The following PDE4B variants were observed in gnomAD, a reference collection of about 807,000 sequenced individuals.
The protein encoded by PDE4B is 3',5'-cyclic-AMP phosphodiesterase 4B.
In PDE4B, 20 loss-of-function variants were observed where a neutral mutation model predicts 82.2. The ratio of observed to expected loss-of-function variants is 0.24; its 90% CI spans 0.17 to 0.35. PDE4B has a LOEUF of 0.35. PDE4B is among the 10% of genes least tolerant of loss of function. PDE4B has a pLI of 1.00. For missense variants in PDE4B, 655 were observed against 907.2 expected, an observed-to-expected ratio of 0.72 and a Z score of 3.57; for synonymous variants, 320 against 318.9, an observed-to-expected ratio of 1.00 and a Z score of -0.04.
Position 65,913,352 on chromosome 1 carries a change from A to G in PDE4B, c.38A>G (p.Asp13Gly), listed in dbSNP as rs1243087346. 7 of 1,613,462 alleles carry G rather than the reference A, an allele frequency of 4.3e-6. No homozygotes were observed. Among genetic ancestry groups the G allele is most frequent in the Non-Finnish European group, 5.9e-6 (7 of 1,179,588 alleles). Residue 13 changes from aspartate (D) to glycine (G), a missense_variant, in exon 2 of 17, where the codon GAT becomes GGT. Around this residue, in one of 3 missense-constraint regions of PDE4B, gnomAD observed 253 missense variants for 275.6 expected, o/e 0.92. Coordinates refer to ENST00000341517, the MANE Select transcript of PDE4B (RefSeq NM_002600.4). ...AGGAGTGTGATGACGGTGATGGCTGATGATGTAAGTTTCAAAAGGTCCCAA... is the reference window on the plus strand; with the variant it reads ...AGGAGTGTGATGACGGTGATGGCTGGTGATGTAAGTTTCAAAAGGTCCCAA... ...KSRSVMTVMA[D>G]DNVKDYFECS...
chr1:66,315,147 G>C (rs866092934), intron 7 of PDE4B, among the ~76,000 whole-genome samples: 1 of 152,150 alleles, frequency 6.6e-6, no homozygotes, highest in Non-Finnish European at 1.5e-5. Context: ...TATCTCACAA[G>C]GTTGTTTTGA....
intron 3 of PDE4B, among the ~76,000 whole-genome samples, chr1:66,229,661 G>A (rs1651788727): frequency 6.6e-6 from 1 of 152,036 alleles, no homozygotes; most frequent in Non-Finnish European, 1.5e-5. Flanking sequence ...CAGAGACTGG[G>A]GCAGTAATGA....
chr1:66,284,065 G>T (rs138195536), intron 7 of PDE4B, among the ~76,000 whole-genome samples: 6 of 152,204 alleles, frequency 3.9e-5, no homozygotes, highest in African/African-American at 4.8e-5. Flanking sequence ...GTTAACAGTC[G>T]TGGGGCAGAC....
intron 3 of PDE4B, among the ~76,000 whole-genome samples, chr1:66,099,270 CAT>C (rs1300766374): frequency 6.6e-6 from 1 of 152,116 alleles, no homozygotes; most frequent in African/African-American, 2.4e-5. Flanking sequence ...CTTCCAGCTC[CAT>C]CCATGTTCCT....
chr1:66,055,835 A>T (rs538755220), intron 3 of PDE4B, among the ~76,000 whole-genome samples: 1 of 152,174 alleles, frequency 6.6e-6, no homozygotes, highest in African/African-American at 2.4e-5. Context: ...AAGCATGTTG[A>T]TATGTTAGAT....
At chr1:66,293,139 T>C (rs1370109760) in intron 7 of PDE4B, among the ~76,000 whole-genome samples, 1 of 152,138 alleles carries the variant, frequency 6.6e-6, no homozygotes, top group African/African-American at 2.4e-5. Flanking sequence ...ATGACCTTTT[T>C]TGAGGTCCTT....
intron 1 of PDE4B, among the ~76,000 whole-genome samples, chr1:65,825,838 AT>A (rs942808081): frequency 8.8e-5 from 13 of 146,990 alleles, no homozygotes; most frequent in South Asian, 6.5e-4. Flanking sequence ...CTTTCCTGAG[AT>A]TTTTTTTTTC....
chr1:66,300,513 G>A (rs1657809921), intron 7 of PDE4B, among the ~76,000 whole-genome samples: 1 of 152,156 alleles, frequency 6.6e-6, no homozygotes, highest in Non-Finnish European at 1.5e-5. Flanking sequence ...GATTTGGAGT[G>A]ACTTCTGTGC....
Position 66,267,802 on chromosome 1 carries a change from C to A in PDE4B, c.634+1715C>A, listed in dbSNP as rs552772723. 2.0e-5 allele frequency among the ~76,000 whole-genome samples: 3 copies of A among 152,196 alleles called. No individual in the cohort carries two copies. In the South Asian group the frequency reaches 6.2e-4, roughly 32 times the overall value. Reference sequence around the variant, plus strand: ...TCAAAATCTCCTTAACGTTTAGCCACGGTTAGAAAAGGAAGGAGGAGACAC... The same window carrying A: ...TCAAAATCTCCTTAACGTTTAGCCAAGGTTAGAAAAGGAAGGAGGAGACAC... On this transcript the variant is annotated intron_variant, in intron 7 of 16. Transcript: ENST00000341517.
At chr1:66,089,875 T>C (rs1241927813) in intron 3 of PDE4B, among the ~76,000 whole-genome samples, 1 of 152,078 alleles carries the variant, frequency 6.6e-6, no homozygotes, top group Non-Finnish European at 1.5e-5. Context: ...TATCATGATC[T>C]GATTGCCTGC....
rs547401426 is a variant in PDE4B, at chr1:66,112,088, G to A, written c.282-135372G>A. On this transcript the variant is annotated intron_variant, in intron 3 of 16. Transcript: ENST00000341517. Reference sequence around the variant, plus strand: ...AAGTTGATTAATTTATATACATTGAGTACTTGTTACAGGCAAAGAATCTCC... The same window carrying A: ...AAGTTGATTAATTTATATACATTGAATACTTGTTACAGGCAAAGAATCTCC... Among the ~76,000 whole-genome samples the A allele has an allele frequency of 5.9e-5, 9 of 152,188 alleles. No homozygotes were observed. In the South Asian group the frequency reaches 1.7e-3, roughly 28 times the overall value.
rs76335673 is a variant in PDE4B at position 66,373,958 on chromosome 1, A to G, written c.*1280A>G. The stretch of plus-strand genomic sequence containing the variant: ...ACAATATTCTCACATTAGATACTAA[A>G]TGGTTTATACTGAGCTTTTACTTTT... On this transcript the variant is annotated 3_prime_UTR_variant, in exon 17 of 17. Coordinates refer to ENST00000341517, the MANE Select transcript of PDE4B (RefSeq NM_002600.4). 1 of 152,592 alleles carries G rather than the reference A, an allele frequency of 6.6e-6. No individual in the cohort carries two copies. Among genetic ancestry groups the G allele is most frequent in the Non-Finnish European group, 1.5e-5 (1 of 68,032 alleles). 9.5% of individuals were successfully genotyped at this position (152,592 alleles called of 1,614,324 possible).
At chr1:66,074,632 C>A (rs1018795967) in intron 3 of PDE4B, among the ~76,000 whole-genome samples, 2 of 152,058 alleles carry the variant, frequency 1.3e-5, no homozygotes, top group Non-Finnish European at 2.9e-5. Context: ...CCAGTTGCTC[C>A]TCATTTCCCC....
At chr1:66,276,114 T>G (rs1655863616) in intron 7 of PDE4B, among the ~76,000 whole-genome samples, 1 of 152,200 alleles carries the variant, frequency 6.6e-6, no homozygotes, top group Non-Finnish European at 1.5e-5. Flanking sequence ...AACTAGATAA[T>G]GTCCAAAGCC....
chr1:66,103,987 T>C (rs905534916), intron 3 of PDE4B, among the ~76,000 whole-genome samples: 1 of 152,088 alleles, frequency 6.6e-6, no homozygotes, highest in Non-Finnish European at 1.5e-5. Flanking sequence ...GTGCACAATG[T>C]GCAGGTTAGT....
At chr1:66,165,380 C>T (rs1570379356) in intron 3 of PDE4B, among the ~76,000 whole-genome samples, 1 of 152,198 alleles carries the variant, frequency 6.6e-6, no homozygotes, top group East Asian at 1.9e-4. Context: ...GGATTTCTCT[C>T]AGGAAACTCA....
intron 3 of PDE4B, among the ~76,000 whole-genome samples, chr1:66,043,726 A>C (rs1402305861): frequency 1.3e-5 from 2 of 151,808 alleles, no homozygotes; most frequent in Non-Finnish European, 3.0e-5. Context: ...TTTAAAGTGC[A>C]CAAACACTTG....
At chr1:66,293,179 C>A (rs990854368) in intron 7 of PDE4B, among the ~76,000 whole-genome samples, 1 of 152,226 alleles carries the variant, frequency 6.6e-6, no homozygotes, top group Admixed American at 6.5e-5. Context: ...GGGAGAAGCA[C>A]TGGGGCACTC....
intron 8 of PDE4B, among the ~76,000 whole-genome samples, chr1:66,341,097 T>G (rs1041343794): frequency 1.3e-5 from 2 of 152,236 alleles, no homozygotes; most frequent in African/African-American, 4.8e-5. Context: ...CTATTTCTAT[T>G]TGAAGTCATT....
Sources: gnomAD v4.1 joint callset for allele counts (sites outside exome capture counted in the v4.1 genomes callset) on GRCh38, gnomAD v4.1.1 for gene constraint, gnomAD v4.1.1 regional missense constraint, MANE v1.5 for transcripts, NCBI Gene and HGNC (gene_info 2026-07-23, HGNC 2026-07-21) for gene names.